Variants in NRDC observed in about 807,000 individuals in gnomAD.
NRDC encodes nardilysin.
In NRDC, 54 loss-of-function variants were observed where a neutral mutation model predicts 147.1. The observed-to-expected ratio is 0.37, with a 90% confidence interval of 0.29 to 0.46. The LOEUF (loss-of-function observed/expected upper bound fraction) is 0.46, where lower values mean the gene tolerates loss of function less well. NRDC is among the 20% of genes least tolerant of loss of function. The probability of loss-of-function intolerance (pLI) is 1.00; values close to 1 mark genes in which losing one functional copy is unlikely to be tolerated. For synonymous variants in NRDC, 440 were observed against 482.1 expected (o/e 0.91, Z 1.14); for missense variants, 1,082 against 1,370.6 (o/e 0.79, Z 3.33).
intron 14 of NRDC, among the ~76,000 whole-genome samples, chr1:51,812,520 C>T (rs1027478836): frequency 6.6e-6 from 1 of 151,822 alleles, no homozygotes; most frequent in African/African-American, 2.4e-5. Flanking sequence ...AAAGCAAGAC[C>T]CTATCTCCAA....
intron 1 of NRDC, among the ~76,000 whole-genome samples, chr1:51,877,044 C>T (rs1356700339): frequency 1.3e-5 from 2 of 152,054 alleles, no homozygotes; most frequent in Non-Finnish European, 2.9e-5. Context: ...AAAAATTAGC[C>T]GGGCGTGGTG....
intron 24 of NRDC, among the ~76,000 whole-genome samples, chr1:51,793,364 A>G (rs997960273): frequency 6.6e-6 from 1 of 152,154 alleles, no homozygotes; most frequent in Non-Finnish European, 1.5e-5. Flanking sequence ...CCATTTGTGG[A>G]GTTTGGGACC....
intron 1 of NRDC, among the ~76,000 whole-genome samples, chr1:51,844,894 A>C (rs1457064639): frequency 1.3e-5 from 2 of 148,388 alleles, no homozygotes; most frequent in Non-Finnish European, 1.5e-5. Context: ...AGGAAACCAA[A>C]TAGGCTGACA....
intron 5 of NRDC, among the ~76,000 whole-genome samples, chr1:51,827,164 G>C (rs1680484255): frequency 6.6e-6 from 1 of 152,178 alleles, no homozygotes; most frequent in South Asian, 2.1e-4. Flanking sequence ...AGACACTTCT[G>C]TAAGTTAAAC....
chr1:51,846,030 A>G (rs1326071418), intron 1 of NRDC, among the ~76,000 whole-genome samples: 1 of 152,224 alleles, frequency 6.6e-6, no homozygotes, highest in Non-Finnish European at 1.5e-5. Flanking sequence ...AACAGAACTA[A>G]AAGTACACAA....
At chr1:51,856,572 CAG>C (rs748583752) in intron 1 of NRDC, among the ~76,000 whole-genome samples, 29 of 152,086 alleles carry the variant, frequency 1.9e-4, no homozygotes, top group Non-Finnish European at 3.2e-4. Flanking sequence ...AAGAGATGCA[CAG>C]AGTGAGGTAT....
chr1:51,789,675 G>GAT lies in NRDC; in HGVS notation c.3169-20_3169-19dup, dbSNP rs776607595. On this transcript the variant is annotated intron_variant, in intron 29 of 30. Coordinates refer to ENST00000352171, the MANE Select transcript of NRDC (RefSeq NM_001101662.2). Reference sequence around the variant, plus strand: ...GCTTCAATCTTACAAGGGAAGGGAAGATAGGAAAGAAATTCAAGAAGAAAG... The same window carrying GAT: ...GCTTCAATCTTACAAGGGAAGGGAAGATATAGGAAAGAAATTCAAGAAGAAAG... 8.3e-6 allele frequency: 13 copies of GAT among 1,558,384 alleles called. No homozygotes were observed. The highest frequency in any genetic ancestry group is 1.4e-5 in the African/African-American group (1 of 73,804).
chr1:51,871,515 TAAAAA>T (rs60495773), intron 1 of NRDC, among the ~76,000 whole-genome samples: 11 of 21,018 alleles, frequency 5.2e-4, no homozygotes, highest in African/African-American at 1.7e-3. Flanking sequence ...ACTGGTTCAT[TAAAAA>T]AAAAAAAAAA....
chr1:51,823,634 G>A (rs760001968), intron 7 of NRDC, 30 bp downstream of exon 7: 1 of 1,572,680 alleles, frequency 6.4e-7, no homozygotes, highest in East Asian at 2.3e-5. Flanking sequence ...CTACTTCAAG[G>A]TAACTCTAAG....
chr1:51,841,584 G>A (rs188258928), intron 1 of NRDC, among the ~76,000 whole-genome samples: 143 of 152,274 alleles, frequency 9.4e-4, no homozygotes, highest in South Asian at 2.1e-4. Context: ...TGGGACTACA[G>A]GCATAAGCCA....
intron 1 of NRDC, among the ~76,000 whole-genome samples, chr1:51,849,665 A>C (rs1681838418): frequency 6.6e-6 from 1 of 150,946 alleles, no homozygotes. Flanking sequence ...AAATACAAAA[A>C]ATTAGCCGGG....
chr1:51,824,874 T>C (rs1428864957), intron 6 of NRDC, among the ~76,000 whole-genome samples: 1 of 152,204 alleles, frequency 6.6e-6, no homozygotes, highest in Non-Finnish European at 1.5e-5. Flanking sequence ...AAGGCTGGTT[T>C]TGAACTGGTC....
At chr1:51,809,446 T>A (rs761689214) in intron 16 of NRDC, 45 bp from the exon 17 acceptor site, 39 of 1,220,426 alleles carry the variant, frequency 3.2e-5, no homozygotes, top group Admixed American at 1.9e-4. Flanking sequence ...AATGCAATGT[T>A]CAACATTCTC....
At chr1:51,865,328 G>A (rs1398137494) in intron 1 of NRDC, among the ~76,000 whole-genome samples, 7 of 150,364 alleles carry the variant, frequency 4.7e-5, no homozygotes, top group Non-Finnish European at 5.9e-5. Flanking sequence ...TTTTTGAGAC[G>A]GAGTCTCGCT....
Position 51,834,110 on chromosome 1 carries a change from T to G in NRDC, c.773A>C (p.Lys258Thr), listed in dbSNP as rs1680835429. The change falls in exon 4 of 31, where the codon AAG becomes ACG. Residue 258 changes from lysine (K) to threonine (T), a missense_variant. Lys to Thr is a moderately conservative substitution (Grantham distance 78). Around this residue, in one of 3 missense-constraint regions of NRDC, gnomAD observed 635 missense variants for 923.8 expected, o/e 0.69. Coordinates refer to ENST00000352171, the MANE Select transcript of NRDC (RefSeq NM_001101662.2). ...DENGFDAFLK[K>T]HGGSDNASTD... Reference sequence around the variant, plus strand: ...TGAGGCATTATCACTACCCCCATGCTTCTTCAGGAAGGCATCAAATCCATT... The same window carrying G: ...TGAGGCATTATCACTACCCCCATGCGTCTTCAGGAAGGCATCAAATCCATT... 1 of 1,614,034 alleles carries G rather than the reference T, an allele frequency of 6.2e-7. No individual in the cohort carries two copies.
intron 4 of NRDC, among the ~76,000 whole-genome samples, 166 bp from the exon 5 acceptor site, chr1:51,828,035 T>C (rs949778117): frequency 6.6e-6 from 1 of 152,238 alleles, no homozygotes; most frequent in African/African-American, 2.4e-5. Flanking sequence ...ATCTACATGT[T>C]ACTTTAACTT....
intron 1 of NRDC, among the ~76,000 whole-genome samples, chr1:51,850,185 AT>A (rs201472720): frequency 0.013 from 2,032 of 151,402 alleles, 40 homozygotes; most frequent in African/African-American, 0.046. Flanking sequence ...TCAAAAAAAA[AT>A]AATAATAAAT....
intron 1 of NRDC, among the ~76,000 whole-genome samples, chr1:51,877,717 C>G (rs956666782): frequency 1.3e-5 from 2 of 152,176 alleles, no homozygotes; most frequent in African/African-American, 2.4e-5. Context: ...TAATATATTC[C>G]TGGACGAGGT....
At chr1:51,876,424 TA>T (rs1217939510) in intron 1 of NRDC, among the ~76,000 whole-genome samples, 1 of 152,264 alleles carries the variant, frequency 6.6e-6, no homozygotes, top group East Asian at 1.9e-4. Context: ...ATATACCTTA[TA>T]CACATAACCT....
Sources: gnomAD v4.1 joint callset for allele counts (sites outside exome capture counted in the v4.1 genomes callset) on GRCh38, gnomAD v4.1.1 for gene constraint, gnomAD v4.1.1 regional missense constraint, MANE v1.5 for transcripts, NCBI Gene and HGNC (gene_info 2026-07-23, HGNC 2026-07-21) for gene names.